Variants in PCDH9 observed in about 807,000 individuals in gnomAD.
PCDH9 encodes protocadherin-9.
A neutral mutation model predicts 70.6 loss-of-function variants in PCDH9; 24 were observed. That is an observed-to-expected ratio of 0.34 (90% CI 0.25 to 0.48). The LOEUF (loss-of-function observed/expected upper bound fraction) is 0.48. PCDH9 is among the 20% of genes least tolerant of loss of function. The pLI, the probability that PCDH9 is intolerant of heterozygous loss-of-function variation, is 0.99. For synonymous variants in PCDH9, 562 were observed against 558.5 expected, an observed-to-expected ratio of 1.01 and a Z score of -0.09; for missense variants, 1,281 against 1,503.6, an observed-to-expected ratio of 0.85 and a Z score of 2.45.
At chr13:66,416,596 C>G (rs1957465419) in intron 4 of PCDH9, among the ~76,000 whole-genome samples, 2 of 152,170 alleles carry the variant, frequency 1.3e-5, no homozygotes, top group African/African-American at 2.4e-5. Flanking sequence ...CCCAATTTGA[C>G]AAGCAAGACT....
chr13:67,079,318 A>C (rs1341871428), intron 2 of PCDH9, among the ~76,000 whole-genome samples: 3 of 152,242 alleles, frequency 2.0e-5, no homozygotes, highest in Non-Finnish European at 4.4e-5. Flanking sequence ...ACCACTTACA[A>C]ACATAATAAG....
intron 4 of PCDH9, among the ~76,000 whole-genome samples, chr13:66,413,563 G>A (rs562354084): frequency 1.6e-4 from 24 of 152,020 alleles, no homozygotes; most frequent in Non-Finnish European, 3.4e-4. Context: ...GTGGGCGCCT[G>A]TAGTCCCAGC....
chr13:66,782,833 AAAT>A (rs1249053867), intron 3 of PCDH9: 1 of 152,196 alleles, frequency 6.6e-6, no homozygotes, highest in Non-Finnish European at 1.5e-5. Flanking sequence ...TCAGTCAGAT[AAAT>A]AAGCTTGCTT....
intron 3 of PCDH9, among the ~76,000 whole-genome samples, chr13:66,727,712 C>T (rs146019548): frequency 6.6e-6 from 1 of 152,206 alleles, no homozygotes; most frequent in East Asian, 1.9e-4. Context: ...TCCTCTCTCT[C>T]ATCTTACATT....
At chr13:66,825,588 G>T (rs2080809895) in intron 3 of PCDH9, among the ~76,000 whole-genome samples, 1 of 151,892 alleles carries the variant, frequency 6.6e-6, no homozygotes, top group South Asian at 2.1e-4. Flanking sequence ...GCCCGTCTCG[G>T]CCTCCCAAAG....
intron 4 of PCDH9, among the ~76,000 whole-genome samples, chr13:66,507,443 C>G (rs780879786): frequency 1.3e-5 from 2 of 152,108 alleles, no homozygotes; most frequent in East Asian, 3.9e-4. Flanking sequence ...TATGCCACCC[C>G]TCTACTGTTT....
At chr13:66,986,936 T>C (rs997966912) in intron 2 of PCDH9, among the ~76,000 whole-genome samples, 2 of 151,746 alleles carry the variant, frequency 1.3e-5, no homozygotes, top group Admixed American at 1.3e-4. Flanking sequence ...TAAATAGGCA[T>C]ATATCATACA....
intron 2 of PCDH9, among the ~76,000 whole-genome samples, chr13:67,092,956 A>AG (rs1011326151): frequency 2.0e-5 from 3 of 149,756 alleles, no homozygotes; most frequent in African/African-American, 4.9e-5. Flanking sequence ...AATGTAAAGA[A>AG]GGGGGAAAAA....
At chr13:66,608,702 A>T (rs142370107) in intron 4 of PCDH9, among the ~76,000 whole-genome samples, 1 of 151,872 alleles carries the variant, frequency 6.6e-6, no homozygotes, top group African/African-American at 2.4e-5. Context: ...CTCAGCCCCA[A>T]ATTCAAACCT....
intron 4 of PCDH9, among the ~76,000 whole-genome samples, chr13:66,380,710 A>AT (rs1339864497): frequency 4.6e-5 from 7 of 151,872 alleles, no homozygotes; most frequent in African/African-American, 9.7e-5. Flanking sequence ...CGCCCGGCTA[A>AT]TTTTTTGTAT....
intron 2 of PCDH9, among the ~76,000 whole-genome samples, chr13:66,993,157 C>A (rs1037676070): frequency 6.6e-6 from 1 of 152,024 alleles, no homozygotes; most frequent in Non-Finnish European, 1.5e-5. Flanking sequence ...CAAAGAATTT[C>A]CCACTAAAAA....
At chr13:66,891,850 C>T (rs2082101724) in intron 3 of PCDH9, among the ~76,000 whole-genome samples, 1 of 150,316 alleles carries the variant, frequency 6.7e-6, no homozygotes, top group Non-Finnish European at 1.5e-5. Context: ...TTTTGGTTTG[C>T]TTTTTGTATC....
intron 2 of PCDH9, among the ~76,000 whole-genome samples, chr13:67,003,437 G>C (rs1030701241): frequency 6.6e-6 from 1 of 151,888 alleles, no homozygotes; most frequent in Non-Finnish European, 1.5e-5. Context: ...AACATGTATT[G>C]TTATCACATT....
intron 4 of PCDH9, among the ~76,000 whole-genome samples, chr13:66,585,814 G>A (rs1244835726): frequency 6.6e-6 from 1 of 152,040 alleles, no homozygotes; most frequent in East Asian, 1.9e-4. Flanking sequence ...GGTGTGCAGA[G>A]GTGAACAAAT....
At chr13:67,114,646 A>C (rs1471369135) in intron 2 of PCDH9, among the ~76,000 whole-genome samples, 1 of 152,244 alleles carries the variant, frequency 6.6e-6, no homozygotes, top group Non-Finnish European at 1.5e-5. Flanking sequence ...CGATGTTTAC[A>C]AATACGGAGT....
chr13:66,398,473 A>T (rs2138287813), intron 4 of PCDH9, among the ~76,000 whole-genome samples: 1 of 152,266 alleles, frequency 6.6e-6, no homozygotes. Flanking sequence ...ATTAAAAAAA[A>T]TACATATCCC....
chr13:67,079,929 T>A (rs1297703027), intron 2 of PCDH9, among the ~76,000 whole-genome samples: 2 of 152,182 alleles, frequency 1.3e-5, no homozygotes, highest in Non-Finnish European at 2.9e-5. Context: ...AATTCCCAAC[T>A]AAAGAATGCC....
chr13:66,858,593 T>G (rs2081433367), intron 3 of PCDH9, among the ~76,000 whole-genome samples: 1 of 152,204 alleles, frequency 6.6e-6, no homozygotes, highest in Non-Finnish European at 1.5e-5. Context: ...TCCTGAATAC[T>G]CTTTTATATT....
intron 3 of PCDH9, among the ~76,000 whole-genome samples, chr13:66,760,927 C>A (rs2079617537): frequency 6.6e-6 from 1 of 152,064 alleles, no homozygotes; most frequent in African/African-American, 2.4e-5. Context: ...TGGAAAATTC[C>A]AGGCTGGTGA....
Sources: gnomAD v4.1 joint callset for allele counts (sites outside exome capture counted in the v4.1 genomes callset) on GRCh38, gnomAD v4.1.1 for gene constraint, MANE v1.5 for transcripts, NCBI Gene and HGNC (gene_info 2026-07-23, HGNC 2026-07-21) for gene names.